The following FAM13C variants were observed in gnomAD, a reference collection of about 807,000 sequenced individuals.
The protein encoded by FAM13C is protein FAM13C.
In FAM13C, 37 loss-of-function variants were observed where a neutral mutation model predicts 73.2. The ratio of observed to expected loss-of-function variants is 0.51; its 90% CI spans 0.39 to 0.67. The LOEUF is 0.67. Ranked by LOEUF, FAM13C falls within the 30% of genes least tolerant of loss-of-function variation. The pLI is 0.00. For missense variants in FAM13C, 589 were observed against 715.6 expected (o/e 0.82, Z 2.02); for synonymous variants, 246 against 260.9 (o/e 0.94, Z 0.55).
intron 3 of FAM13C, among the ~76,000 whole-genome samples, chr10:59,329,134 A>C (rs1851583487): frequency 6.6e-6 from 1 of 152,108 alleles, no homozygotes; most frequent in Non-Finnish European, 1.5e-5. Flanking sequence ...TATTATTTAA[A>C]ATTTTCTGGC....
At position 59,271,214 on chromosome 10, in the gene FAM13C, T is replaced by C. The variant is rs527315494; in HGVS notation, c.593-1105A>G. Among the ~76,000 whole-genome samples the C allele has an allele frequency of 2.6e-5, 4 of 152,376 alleles. No individual in the cohort carries two copies. The South Asian group carries it at 8.3e-4, about 32-fold the overall frequency. Reference sequence around the variant, plus strand: ...CGAAAGGGGAAAACAAAAGATTTTCTGGATGAATAAGCAGAATCAGAAAAC... The same window carrying C: ...CGAAAGGGGAAAACAAAAGATTTTCCGGATGAATAAGCAGAATCAGAAAAC... On this transcript the variant is annotated intron_variant, in intron 6 of 13. Transcript: ENST00000618804.
chr10:59,265,793 G>T (rs896002699), intron 8 of FAM13C, among the ~76,000 whole-genome samples: 1 of 152,158 alleles, frequency 6.6e-6, no homozygotes, highest in African/African-American at 2.4e-5. Context: ...CCTTGAAGAA[G>T]CTGTTAAAAG....
chr10:59,362,306 G>T, intron 1 of FAM13C, 93 bp downstream of exon 1: 2 of 1,523,716 alleles, frequency 1.3e-6, no homozygotes, highest in South Asian at 1.2e-5. Context: ...CATCTAAAAC[G>T]AACAGCGGCT....
At chr10:59,261,532 C>T (rs1173707921) in intron 10 of FAM13C, among the ~76,000 whole-genome samples, 1 of 152,118 alleles carries the variant, frequency 6.6e-6, no homozygotes, top group Non-Finnish European at 1.5e-5. Context: ...TTTTTCCATT[C>T]ACTCAGCAAA....
chr10:59,343,582 A>G (rs924894208), intron 3 of FAM13C, among the ~76,000 whole-genome samples: 3 of 152,220 alleles, frequency 2.0e-5, no homozygotes, highest in Non-Finnish European at 4.4e-5. Context: ...AGCATTGACC[A>G]GCTCTGGACA....
intron 6 of FAM13C, among the ~76,000 whole-genome samples, chr10:59,271,077 C>T (rs1383469362): frequency 2.0e-5 from 3 of 152,174 alleles, no homozygotes; most frequent in Non-Finnish European, 2.9e-5. Context: ...AGGAGCTCTG[C>T]ACCCTAGGCT....
At chr10:59,289,032 AG>A (rs1037311173) in intron 5 of FAM13C, among the ~76,000 whole-genome samples, 4 of 152,216 alleles carry the variant, frequency 2.6e-5, no homozygotes, top group African/African-American at 7.2e-5. Flanking sequence ...TTTTGGCACC[AG>A]GGACCGGCTT....
chr10:59,279,395 T>C lies in FAM13C; in HGVS notation c.592+3968A>G, dbSNP rs146413250. Among the ~76,000 whole-genome samples, 363 of 152,324 alleles carry C rather than the reference T, an allele frequency of 2.4e-3. 3 individuals carry two copies. The highest frequency in any genetic ancestry group is 8.1e-3 in the African/African-American group (337 of 41,576). On this transcript the variant is annotated intron_variant, in intron 6 of 13. Transcript: ENST00000618804. ...TATGCAGAATTCTGCATGAGAATAATTGTAGACTCTAAATAGACATACTAC... is the reference window on the plus strand; with the variant it reads ...TATGCAGAATTCTGCATGAGAATAACTGTAGACTCTAAATAGACATACTAC...
At position 59,246,828 on chromosome 10, in the gene FAM13C, C is replaced by G; in HGVS notation, c.*786G>C. 1 of 386,458 alleles carries G rather than the reference C, an allele frequency of 2.6e-6. No homozygotes were observed. The highest frequency in any genetic ancestry group is 4.6e-6 in the Non-Finnish European group (1 of 218,540). The allele number at this position is 386,458 out of a possible 1,614,324, so 23.9% of individuals were successfully genotyped here. A position where few individuals can be genotyped will look rare whatever the true frequency, so the allele number is the denominator to read the frequency against. ...GTAAACCAAAAGATTAGCAATAATA[C>G]TATGGACACATTAGATTATATACTA... On this transcript the variant is annotated 3_prime_UTR_variant, in exon 14 of 14. Transcript: ENST00000618804.
chr10:59,350,485 G>T (rs902309022), intron 3 of FAM13C, among the ~76,000 whole-genome samples: 8 of 152,164 alleles, frequency 5.3e-5, no homozygotes, highest in African/African-American at 7.2e-5. Flanking sequence ...CAGCCTTTGG[G>T]GAACCTGTGC....
intron 4 of FAM13C, among the ~76,000 whole-genome samples, chr10:59,308,271 G>A (rs1848479630): frequency 6.6e-6 from 1 of 152,048 alleles, no homozygotes; most frequent in Admixed American, 6.6e-5. Flanking sequence ...ATGGCCCTCA[G>A]TAGTGATGAG....
intron 10 of FAM13C, 144 bp downstream of exon 10, chr10:59,262,290 A>C (rs1046655025): frequency 1.5e-5 from 10 of 675,486 alleles, no homozygotes; most frequent in African/African-American, 3.6e-5. Context: ...GTGGCCAGTA[A>C]CCTGTCAGGA....
chr10:59,260,737 A>G (rs1192224302), intron 10 of FAM13C, among the ~76,000 whole-genome samples: 3 of 152,136 alleles, frequency 2.0e-5, no homozygotes, highest in African/African-American at 7.2e-5. Context: ...AATGGCTTCG[A>G]TATCTTTTAA....
intron 10 of FAM13C, among the ~76,000 whole-genome samples, chr10:59,260,052 A>G (rs1589366271): frequency 6.6e-6 from 1 of 150,408 alleles, no homozygotes; most frequent in South Asian, 2.1e-4. Flanking sequence ...CAGTAAATGG[A>G]CCCATCACCA....
chr10:59,322,699 T>C (rs1850485797), intron 4 of FAM13C, among the ~76,000 whole-genome samples: 1 of 152,250 alleles, frequency 6.6e-6, no homozygotes. Flanking sequence ...TGCTTTTATA[T>C]TATTTTGAAA....
rs527603748 is a variant in FAM13C, at chr10:59,249,889, G to A, written c.1634+1686C>T. On this transcript the variant is annotated intron_variant, in intron 13 of 13. Coordinates refer to ENST00000618804, the MANE Select transcript of FAM13C (RefSeq NM_198215.4). Reference sequence around the variant, plus strand: ...TACATAGAACATAACTAACTTCCCTGTATGTATGACAAAAAGCACACCAAG... The same window carrying A: ...TACATAGAACATAACTAACTTCCCTATATGTATGACAAAAAGCACACCAAG... Among the ~76,000 whole-genome samples, 8 of 152,296 alleles carry A rather than the reference G, an allele frequency of 5.3e-5. No homozygotes were observed. The East Asian group carries it at 1.5e-3, about 29-fold the overall frequency.
rs756416635 is a variant in FAM13C, at chr10:59,269,901, C to T, written c.801G>A (p.Met267Ile). Residue 267 changes from methionine to isoleucine, a missense_variant and splice_region_variant, in exon 7 of 14, where the codon ATG becomes ATA. By Grantham distance (10) the Met-to-Ile change is conservative (BLOSUM62 1). Coordinates refer to ENST00000618804, the MANE Select transcript of FAM13C (RefSeq NM_198215.4). ...APSPPSTQQFMMPRSSSRCSC... is the reference protein window; with the variant it reads ...APSPPSTQQFIMPRSSSRCSC... ...CAATAACAAAACAGTTTTCTCACAT[C>T]ATAAACTGCTGAGTGCTGGGTGGAG... 20 of 1,613,602 alleles carry T rather than the reference C, an allele frequency of 1.2e-5. No homozygotes were observed. Among genetic ancestry groups the T allele is most frequent in the Non-Finnish European group, 1.5e-5 (18 of 1,179,782 alleles).
intron 5 of FAM13C, among the ~76,000 whole-genome samples, chr10:59,296,454 T>G (rs939280999): frequency 1.3e-5 from 2 of 152,152 alleles, no homozygotes; most frequent in Non-Finnish European, 2.9e-5. Context: ...CAGATAAGAG[T>G]TAACAGTAGT....
intron 5 of FAM13C, among the ~76,000 whole-genome samples, chr10:59,289,514 C>T (rs986224431): frequency 1.9e-4 from 29 of 152,204 alleles, no homozygotes; most frequent in African/African-American, 7.0e-4. Context: ...ACATGGAAAG[C>T]CAGGCAGCTT....
Sources: gnomAD v4.1 joint callset for allele counts (sites outside exome capture counted in the v4.1 genomes callset) on GRCh38, gnomAD v4.1.1 for gene constraint, MANE v1.5 for transcripts, NCBI Gene and HGNC (gene_info 2026-07-23, HGNC 2026-07-21) for gene names.